The following GOLM1 variants were observed in gnomAD, a reference collection of about 807,000 sequenced individuals.
The protein encoded by GOLM1 is golgi membrane protein 1.
In GOLM1, 31 loss-of-function variants were observed where a neutral mutation model predicts 50.5. The observed-to-expected ratio is 0.61, with a 90% CI of 0.46 to 0.83. GOLM1 has a LOEUF of 0.83. GOLM1 is among the 40% of genes least tolerant of loss of function. The probability of loss-of-function intolerance (pLI) is 0.00; values close to 1 mark genes in which losing one functional copy is unlikely to be tolerated. For missense variants in GOLM1, 491 were observed against 501.3 expected, an observed-to-expected ratio of 0.98 and a Z score of 0.20; for synonymous variants, 178 against 192.8, an observed-to-expected ratio of 0.92 and a Z score of 0.64.
chr9:86,031,925 CAAAAAAAAA>C (rs1043805404), intron 9 of GOLM1, among the ~76,000 whole-genome samples: 1 of 36,072 alleles, frequency 2.8e-5, no homozygotes, highest in African/African-American at 9.9e-5. Context: ...GACTCCATCT[CAAAAAAAAA>C]AAAAAAAAAA....
At chr9:86,057,259 A>G (rs1466377196) in intron 3 of GOLM1, among the ~76,000 whole-genome samples, 1 of 152,234 alleles carries the variant, frequency 6.6e-6, no homozygotes, top group Admixed American at 6.5e-5. Flanking sequence ...CTAGAAAAAT[A>G]AGCTCAATAT....
chr9:86,035,533 GT>G lies in GOLM1; in HGVS notation c.849del (p.Arg283SerfsTer3). 1 of 1,612,060 alleles carries G rather than the reference GT, an allele frequency of 6.2e-7. No homozygotes were observed. Among genetic ancestry groups the G allele is most frequent in the Non-Finnish European group, 8.5e-7 (1 of 1,179,982 alleles). ...EPGREQVVEDRPVGGRGFGGA... is the reference protein window; with the variant it reads ...EPGREQVVEDXPVGGRGFGGA... ...CCCCCGAAGCCTCTTCCACCTACAGGTCTGTCTTCCACCACCTGCTCCCGGC... is the reference window on the plus strand; with the variant it reads ...CCCCCGAAGCCTCTTCCACCTACAGGCTGTCTTCCACCACCTGCTCCCGGC... On this transcript the variant is annotated frameshift_variant, in exon 8 of 10. Transcript: ENST00000388712. LOFTEE classifies it high-confidence loss of function.
chr9:86,063,746 C>G (rs950249789), intron 3 of GOLM1, among the ~76,000 whole-genome samples: 54 of 152,342 alleles, frequency 3.5e-4, no homozygotes, highest in Non-Finnish European at 5.9e-5. Context: ...AAGCCAACCA[C>G]AACAGCAAAA....
chr9:86,026,767 T>C lies in GOLM1; in HGVS notation c.*1050A>G. ...TAGGATTAAGTAGTAATTTTCAAAATTCACATTAACTTGATTTTAAAATCA... is the reference window on the plus strand; with the variant it reads ...TAGGATTAAGTAGTAATTTTCAAAACTCACATTAACTTGATTTTAAAATCA... On this transcript the variant is annotated 3_prime_UTR_variant, in exon 10 of 10. Coordinates refer to ENST00000388712, the MANE Select transcript of GOLM1 (RefSeq NM_016548.4). 3 of 982,932 alleles carry C rather than the reference T, an allele frequency of 3.1e-6. No individual in the cohort carries two copies. The highest frequency in any genetic ancestry group is 3.6e-6 in the Non-Finnish European group (3 of 827,664). 60.9% of individuals were successfully genotyped at this position (982,932 alleles called of 1,614,324 possible). A position where few individuals can be genotyped will look rare whatever the true frequency, so the allele number is the denominator to read the frequency against.
chr9:86,072,318 C>T (rs543233623), intron 3 of GOLM1, among the ~76,000 whole-genome samples: 1 of 152,274 alleles, frequency 6.6e-6, no homozygotes, highest in East Asian at 1.9e-4. Flanking sequence ...TATTATTCAT[C>T]TGACCTCTCT....
In GOLM1 at chr9:86,084,251, T is replaced by C. The variant is rs139200378; in HGVS notation, c.-21-4910A>G. 2.9e-3 allele frequency among the ~76,000 whole-genome samples: 437 copies of C among 152,354 alleles called. 3 individuals carry two copies. The highest frequency in any genetic ancestry group is 0.01 in the African/African-American group (425 of 41,582). On this transcript the variant is annotated intron_variant, in intron 1 of 9. Coordinates refer to ENST00000388712, the MANE Select transcript of GOLM1 (RefSeq NM_016548.4). ...CAAAAATGTATGTTTTTAATATTGA[T>C]AGAGCTTCTCTCTTCCAAAATAGTT...
intron 3 of GOLM1, among the ~76,000 whole-genome samples, chr9:86,057,645 C>T (rs1254748661): frequency 1.3e-5 from 1 of 79,450 alleles, no homozygotes; most frequent in Middle Eastern, 6.2e-3. Flanking sequence ...GGTCTGCACA[C>T]CCGTGTTCAG....
intron 1 of GOLM1, among the ~76,000 whole-genome samples, chr9:86,092,123 G>C (rs1158740313): frequency 6.6e-6 from 1 of 152,178 alleles, no homozygotes; most frequent in African/African-American, 2.4e-5. Context: ...GGGGACACAG[G>C]ACCTGTCTGT....
intron 1 of GOLM1, among the ~76,000 whole-genome samples, chr9:86,085,248 C>T (rs1834917935): frequency 6.6e-6 from 1 of 152,120 alleles, no homozygotes; most frequent in Non-Finnish European, 1.5e-5. Flanking sequence ...AGTGTCTTTT[C>T]ATTTATTGGC....
intron 6 of GOLM1, among the ~76,000 whole-genome samples, chr9:86,038,162 AAAAAAAAAAAAAG>A (rs1247845364): frequency 7.1e-6 from 1 of 141,446 alleles, no homozygotes; most frequent in Non-Finnish European, 1.5e-5. Context: ...CACCAAAAGA[AAAAAAAAAAAAAG>A]AAAAAGAAAA....
chr9:86,080,923 T>C (rs374216794), intron 1 of GOLM1, among the ~76,000 whole-genome samples: 1 of 152,210 alleles, frequency 6.6e-6, no homozygotes, highest in African/African-American at 2.4e-5. Context: ...AGGGTCTCTG[T>C]CGCCCAGGGT....
chr9:86,063,775 C>T (rs531874211), intron 3 of GOLM1, among the ~76,000 whole-genome samples: 497 of 152,286 alleles, frequency 3.3e-3, no homozygotes, highest in African/African-American at 0.011. Flanking sequence ...CTCCGTTACG[C>T]CTTCTATGGC....
chr9:86,060,717 A>G (rs138447426), intron 3 of GOLM1, among the ~76,000 whole-genome samples: 5,223 of 151,846 alleles, frequency 0.034, 276 homozygotes, highest in East Asian at 0.27. Context: ...CGTCTCTACT[A>G]AAAATACAAA....
rs1418697561 is a variant in GOLM1, at chr9:86,035,889, A to AAAAAAC, written c.758-265_758-264insGTTTTT. On this transcript the variant is annotated intron_variant, in intron 7 of 9. Coordinates refer to ENST00000388712, the MANE Select transcript of GOLM1 (RefSeq NM_016548.4). ...ACCAAAAAAAAAAACAAAACAAAAA[A>AAAAAAC]AAAAAAACACCTGGACTAAATTACC... Among the ~76,000 whole-genome samples the AAAAAAC allele has an allele frequency of 1.2e-4, 18 of 150,378 alleles. 1 individual carries two copies. In the South Asian group the frequency reaches 1.7e-3, roughly 14 times the overall value.
chr9:86,061,530 G>A (rs775654516), intron 3 of GOLM1, among the ~76,000 whole-genome samples: 4 of 152,214 alleles, frequency 2.6e-5, no homozygotes, highest in Admixed American at 6.5e-5. Flanking sequence ...AAAGAGGGCA[G>A]CAGAGGGAAG....
At position 86,033,367 on chromosome 9, in the gene GOLM1, T is replaced by A. The variant is rs369171830; in HGVS notation, c.1044A>T (p.Glu348Asp). The change falls in exon 9 of 10, where the codon GAA becomes GAT. Residue 348 changes from glutamate (E) to aspartate (D), a missense_variant. Glu to Asp is a conservative substitution (Grantham distance 45). Transcript: ENST00000388712. The stretch of plus-strand genomic sequence containing the variant: ...CATTTTCATCCATGTTGTAGTCATC[T>A]TCTCCTCTCAGTTTCTGCTGGTTTC... ...EGRNQQKLRG[E>D]DDYNMDENEA... 99 of 1,611,684 alleles carry A rather than the reference T, an allele frequency of 6.1e-5. No individual in the cohort carries two copies. Among genetic ancestry groups the A allele is most frequent in the Non-Finnish European group, 7.7e-5 (91 of 1,177,848 alleles).
chr9:86,070,557 C>G (rs1207037673), intron 3 of GOLM1, among the ~76,000 whole-genome samples: 1 of 149,988 alleles, frequency 6.7e-6, no homozygotes, highest in Admixed American at 6.7e-5. Flanking sequence ...GGCGACAGAG[C>G]GAGACTCCAC....
At chr9:86,035,054 A>ATGTGGCCT in intron 8 of GOLM1, 1 of 985,362 alleles carries the variant, frequency 1.0e-6, no homozygotes, top group Non-Finnish European at 1.2e-6. Flanking sequence ...AAAATGGGGC[A>ATGTGGCCT]TGTGGCCTGC....
chr9:86,031,243 A>G (rs1182738356), intron 9 of GOLM1, among the ~76,000 whole-genome samples: 1 of 151,966 alleles, frequency 6.6e-6, no homozygotes, highest in Non-Finnish European at 1.5e-5. Flanking sequence ...CGGCAGGATC[A>G]GCAAGGCCGA....
Sources: gnomAD v4.1 joint callset for allele counts (sites outside exome capture counted in the v4.1 genomes callset) on GRCh38, gnomAD v4.1.1 for gene constraint, MANE v1.5 for transcripts, NCBI Gene and HGNC (gene_info 2026-07-23, HGNC 2026-07-21) for gene names.